ELF2: variants seen among roughly 807,000 people sequenced by gnomAD.
The protein encoded by ELF2 is ETS-related transcription factor Elf-2.
ELF2 carries 11 observed loss-of-function variants against 54.8 expected under a neutral mutation model. The ratio of observed to expected loss-of-function variants is 0.20; its 90% CI spans 0.13 to 0.33. ELF2 has a LOEUF of 0.33. Among genes scored for constraint, ELF2 ranks in the 10% least tolerant of loss-of-function variants. ELF2 has a pLI of 1.00. For synonymous variants in ELF2, 203 were observed against 245.1 expected (o/e 0.83, Z 1.61); for missense variants, 513 against 703.0 (o/e 0.73, Z 3.06).
intron 1 of ELF2, among the ~76,000 whole-genome samples, chr4:139,143,160 A>T (rs1738883284): frequency 6.6e-6 from 1 of 152,180 alleles, no homozygotes; most frequent in East Asian, 1.9e-4. Flanking sequence ...CGGTCATTCT[A>T]GCTCTCAGCA....
chr4:139,080,042 G>A (rs1490023011), intron 4 of ELF2, among the ~76,000 whole-genome samples: 4 of 152,262 alleles, frequency 2.6e-5, no homozygotes, highest in Non-Finnish European at 4.4e-5. Flanking sequence ...TTTTGCTATA[G>A]ATGACACAAG....
At chr4:139,148,686 C>A (rs150845048) in intron 1 of ELF2, among the ~76,000 whole-genome samples, 223 of 150,798 alleles carry the variant, frequency 1.5e-3, no homozygotes, top group African/African-American at 5.1e-3. Flanking sequence ...GAATGCTATT[C>A]TGAAAATTCA....
In ELF2 at chr4:139,103,367, T is replaced by C. The variant is rs566322352; in HGVS notation, c.238+21797A>G. On this transcript the variant is annotated intron_variant, in intron 4 of 9. Coordinates refer to ENST00000686138, the MANE Select transcript of ELF2 (RefSeq NM_001331036.3). ...CACCAGAAAGACCAAGGCAGGATTA[T>C]AGGGTTGGGACTTTCAGCCCCACTC... is the stretch of plus-strand genomic sequence containing the variant. Among the ~76,000 whole-genome samples the C allele has an allele frequency of 5.3e-5, 8 of 152,296 alleles. No individual in the cohort carries two copies. In the South Asian group the frequency reaches 1.7e-3, roughly 32 times the overall value.
At chr4:139,115,742 T>C (rs925928350) in intron 4 of ELF2, among the ~76,000 whole-genome samples, 4 of 152,228 alleles carry the variant, frequency 2.6e-5, no homozygotes, top group African/African-American at 7.2e-5. Flanking sequence ...TAAAAGTTTA[T>C]ATTTGGCAGC....
At chr4:139,118,351 T>C in intron 4 of ELF2, among the ~76,000 whole-genome samples, 1 of 152,226 alleles carries the variant, frequency 6.6e-6, no homozygotes, top group Non-Finnish European at 1.5e-5. Flanking sequence ...AATCTTCATG[T>C]AGTTGGGCCT....
chr4:139,137,604 G>A (rs1399082062), intron 3 of ELF2, 26 bp downstream of exon 3: 4 of 1,604,020 alleles, frequency 2.5e-6, no homozygotes, highest in Non-Finnish European at 2.6e-6. Flanking sequence ...GAAGAAAATA[G>A]AAATGTAATT....
At chr4:139,152,710 A>C (rs796731780) in intron 1 of ELF2, among the ~76,000 whole-genome samples, 10 of 152,192 alleles carry the variant, frequency 6.6e-5, no homozygotes, top group African/African-American at 2.4e-4. Context: ...CATTACCCTT[A>C]GTCATTTAAC....
chr4:139,076,615 T>C (rs1029248481), intron 4 of ELF2, among the ~76,000 whole-genome samples: 4 of 152,194 alleles, frequency 2.6e-5, no homozygotes, highest in Admixed American at 2.6e-4. Flanking sequence ...CTTTACCATA[T>C]TAAAATCAGA....
intron 7 of ELF2, chr4:139,067,116 TAA>T (rs113589223): frequency 2.9e-5 from 4 of 137,486 alleles, no homozygotes; most frequent in Admixed American, 1.5e-4. Flanking sequence ...TACAAAAAAT[TAA>T]AAAAAAAAAA....
intron 4 of ELF2, among the ~76,000 whole-genome samples, chr4:139,102,966 C>T (rs542566081): frequency 6.6e-6 from 1 of 152,100 alleles, no homozygotes; most frequent in African/African-American, 2.4e-5. Flanking sequence ...GCAGCCTTGA[C>T]CTACCAAGTG....
chr4:139,111,112 A>C (rs1224948946), intron 4 of ELF2, among the ~76,000 whole-genome samples: 1 of 152,190 alleles, frequency 6.6e-6, no homozygotes. Flanking sequence ...ATTTAGTTGC[A>C]AAGGCTCAAA....
At chr4:139,096,328 G>A (rs1165881832) in intron 4 of ELF2, among the ~76,000 whole-genome samples, 2 of 151,760 alleles carry the variant, frequency 1.3e-5, no homozygotes, top group Admixed American at 6.6e-5. Context: ...TGGGTCTGAT[G>A]GACTTTTTTT....
rs1482840186 is a variant in ELF2, at chr4:139,071,862, C to CT, written c.526+3dup. The CT allele has an allele frequency of 6.3e-7, 1 of 1,580,866 alleles. No individual in the cohort carries two copies. The highest frequency in any genetic ancestry group is 2.2e-5 in the East Asian group (1 of 44,618). ...CTTCTCAGAAATGTATAAATATACT[C>CT]TACCTTTTTTCTTTTTCATTGGTTC... On this transcript the variant is annotated splice_donor_region_variant and intron_variant, in intron 6 of 9. Coordinates refer to ENST00000686138, the MANE Select transcript of ELF2 (RefSeq NM_001331036.3).
chr4:139,095,970 G>T (rs977806495), intron 4 of ELF2, among the ~76,000 whole-genome samples: 1 of 152,122 alleles, frequency 6.6e-6, no homozygotes, highest in Non-Finnish European at 1.5e-5. Flanking sequence ...AATTAGCCAG[G>T]TGTGGTGGCA....
At chr4:139,134,958 T>C (rs1299717757) in intron 3 of ELF2, among the ~76,000 whole-genome samples, 1 of 151,992 alleles carries the variant, frequency 6.6e-6, no homozygotes, top group Non-Finnish European at 1.5e-5. Flanking sequence ...TGAAAAATAA[T>C]TTTTGCAACT....
At chr4:139,113,777 C>G (rs1735230627) in intron 4 of ELF2, among the ~76,000 whole-genome samples, 1 of 150,890 alleles carries the variant, frequency 6.6e-6, no homozygotes, top group Non-Finnish European at 1.5e-5. Context: ...ATCGCTTGAA[C>G]CCGGGAGGCA....
In ELF2 at chr4:139,112,624, A is replaced by G. The variant is rs375886281; in HGVS notation, c.238+12540T>C. On this transcript the variant is annotated intron_variant, in intron 4 of 9. Coordinates refer to ENST00000686138, the MANE Select transcript of ELF2 (RefSeq NM_001331036.3). ...TTGTTTGCTACTCATTTAAAATTCTATATAATCCACAGTTAGCCTTCTCCT... is the reference window on the plus strand; with the variant it reads ...TTGTTTGCTACTCATTTAAAATTCTGTATAATCCACAGTTAGCCTTCTCCT... Among the ~76,000 whole-genome samples the G allele has an allele frequency of 2.8e-4, 42 of 152,368 alleles. 1 individual carries two copies. The East Asian group carries it at 7.5e-3, about 27-fold the overall frequency.
At chr4:139,106,441 AGTT>A (rs1734415150) in intron 4 of ELF2, among the ~76,000 whole-genome samples, 1 of 152,204 alleles carries the variant, frequency 6.6e-6, no homozygotes. Flanking sequence ...TGGGAACAAT[AGTT>A]TTTTAGCTTC....
intron 4 of ELF2, among the ~76,000 whole-genome samples, chr4:139,092,608 G>A (rs889795961): frequency 2.6e-5 from 4 of 151,976 alleles, no homozygotes; most frequent in African/African-American, 7.3e-5. Flanking sequence ...AGACCATCCT[G>A]GCTAACAGGG....
Sources: allele counts gnomAD v4.1 joint callset (sites outside exome capture counted in the v4.1 genomes callset), GRCh38; gene constraint gnomAD v4.1.1; transcripts MANE v1.5; gene names NCBI Gene and HGNC (gene_info 2026-07-23, HGNC 2026-07-21).